The following SEM1 variants were observed in gnomAD, a reference collection of about 807,000 sequenced individuals.
The protein encoded by SEM1 is 26S proteasome complex subunit SEM1.
Under a neutral mutation model 12.7 loss-of-function variants are expected in SEM1, and 3 were observed. The observed-to-expected ratio is 0.24, with a 90% confidence interval of 0.11 to 0.61. The LOEUF (loss-of-function observed/expected upper bound fraction) is 0.61. SEM1 is among the 20% of genes least tolerant of loss of function. SEM1 has a pLI of 0.88. For missense variants in SEM1, 59 were observed against 81.3 expected (o/e 0.73, Z 1.06); for synonymous variants, 30 against 27.8 (o/e 1.08, Z -0.25).
chr7:96,536,730 C>A (rs1178611155), intron 2 of SEM1, among the ~76,000 whole-genome samples: 1 of 151,760 alleles, frequency 6.6e-6, no homozygotes. Flanking sequence ...ATTAATATAA[C>A]TACTTCAGCT....
chr7:96,627,542 G>T (rs1443942107), intron 2 of SEM1, among the ~76,000 whole-genome samples: 1 of 152,038 alleles, frequency 6.6e-6, no homozygotes, highest in Non-Finnish European at 1.5e-5. Context: ...TCATTCAGGA[G>T]CATGTTGTTT....
downstream of SEM1, among the ~76,000 whole-genome samples, chr7:96,671,795 C>T (rs1199918953): frequency 6.6e-6 from 1 of 152,172 alleles, no homozygotes; most frequent in Admixed American, 6.5e-5. Flanking sequence ...CAGAATTACT[C>T]ATGTAAAAAC....
intron 2 of SEM1, among the ~76,000 whole-genome samples, chr7:96,587,362 C>T (rs1806674457): frequency 6.6e-6 from 1 of 152,216 alleles, no homozygotes; most frequent in Non-Finnish European, 1.5e-5. Flanking sequence ...AAAAAGGCTT[C>T]TGTTCTCTTC....
chr7:96,582,820 C>G (rs998377518), intron 2 of SEM1, among the ~76,000 whole-genome samples: 2 of 152,048 alleles, frequency 1.3e-5, no homozygotes, highest in African/African-American at 2.4e-5. Context: ...GTGGTGATAT[C>G]CCCTTTATCA....
chr7:96,700,196 C>T (rs1447774383), intron 1 of SEM1, among the ~76,000 whole-genome samples: 1 of 130,210 alleles, frequency 7.7e-6, no homozygotes, highest in Non-Finnish European at 1.8e-5. Flanking sequence ...TGAATAAATC[C>T]TTTATTACAT....
At chr7:96,676,747 A>C (rs947203290) in intron 2 of SEM1, among the ~76,000 whole-genome samples, 4 of 152,136 alleles carry the variant, frequency 2.6e-5, no homozygotes, top group African/African-American at 9.7e-5. Flanking sequence ...TACATCACAA[A>C]TTTATACAGA....
At chr7:96,544,321 C>T (rs1435280777) in intron 2 of SEM1, among the ~76,000 whole-genome samples, 13 of 152,014 alleles carry the variant, frequency 8.6e-5, no homozygotes, top group Admixed American at 6.6e-4. Context: ...TAGCACTGAG[C>T]ACCTACTATG....
chr7:96,505,846 A>T (rs1316453227), intron 3 of SEM1, among the ~76,000 whole-genome samples: 1 of 152,098 alleles, frequency 6.6e-6, no homozygotes, highest in South Asian at 2.1e-4. Context: ...GGGAATTAGG[A>T]TTTCAACCTG....
intron 2 of SEM1, among the ~76,000 whole-genome samples, chr7:96,584,700 C>T (rs1162913154): frequency 4.0e-5 from 6 of 151,784 alleles, no homozygotes; most frequent in South Asian, 2.1e-4. Context: ...CTTCCCTTCT[C>T]GCTTCATTTC....
At chr7:96,539,179 TC>T (rs1804876327) in intron 2 of SEM1, among the ~76,000 whole-genome samples, 1 of 151,758 alleles carries the variant, frequency 6.6e-6, no homozygotes, top group African/African-American at 2.4e-5. Context: ...AGTGGATCCT[TC>T]CCCAGTTGAA....
At chr7:96,609,665 T>G (rs1490316770) in intron 2 of SEM1, among the ~76,000 whole-genome samples, 1 of 152,218 alleles carries the variant, frequency 6.6e-6, no homozygotes, top group Non-Finnish European at 1.5e-5. Flanking sequence ...TGTAAATATT[T>G]GTACAAAAGT....
chr7:96,483,569 A>T, exon 4 of SEM1: 1 of 408,744 alleles, frequency 2.4e-6, no homozygotes, highest in Non-Finnish European at 4.6e-6. Flanking sequence ...ACTGGGCTCT[A>T]TTTTCACTCT....
At chr7:96,496,241 T>A (rs1803249724) in intron 1 of SEM1, 1 of 1,311,686 alleles carries the variant, frequency 7.6e-7, no homozygotes, top group Non-Finnish European at 1.1e-6. Context: ...AGGATTATAT[T>A]TAATAAAAGC....
chr7:96,705,165 T>C (rs1345200591), intron 1 of SEM1, among the ~76,000 whole-genome samples: 1 of 152,158 alleles, frequency 6.6e-6, no homozygotes, highest in Non-Finnish European at 1.5e-5. Context: ...CACTGTCTTA[T>C]CCAGAAATTT....
At chr7:96,629,794 A>G (rs1448490395) in intron 2 of SEM1, among the ~76,000 whole-genome samples, 1 of 152,118 alleles carries the variant, frequency 6.6e-6, no homozygotes, top group Non-Finnish European at 1.5e-5. Context: ...GGCTTTCCAT[A>G]TATTCAGAAG....
intron 2 of SEM1, among the ~76,000 whole-genome samples, chr7:96,536,112 A>G (rs746923243): frequency 6.6e-6 from 1 of 151,818 alleles, no homozygotes; most frequent in Non-Finnish European, 1.5e-5. Flanking sequence ...CTGCAACCTC[A>G]TCAGCATCTG....
intron 2 of SEM1, among the ~76,000 whole-genome samples, chr7:96,627,137 T>C (rs941419887): frequency 1.4e-4 from 21 of 152,086 alleles, no homozygotes; most frequent in African/African-American, 4.8e-4. Flanking sequence ...CAATTTTATT[T>C]GTTTGGATCT....
At chr7:96,498,790 T>C (rs930195920), upstream of SEM1, among the ~76,000 whole-genome samples, 5 of 152,164 alleles carry the variant, frequency 3.3e-5, no homozygotes, top group East Asian at 9.6e-4. Flanking sequence ...AGATGTTACC[T>C]GACTTGTCCA....
chr7:96,609,170 C>T (rs1807470558), intron 2 of SEM1, among the ~76,000 whole-genome samples: 1 of 152,228 alleles, frequency 6.6e-6, no homozygotes, highest in Middle Eastern at 3.4e-3. Context: ...TTCTGTTGAC[C>T]TTTCCTTAAA....
Sources: allele counts gnomAD v4.1 joint callset (sites outside exome capture counted in the v4.1 genomes callset), GRCh38; gene constraint gnomAD v4.1.1; transcripts MANE v1.5; gene names NCBI Gene and HGNC (gene_info 2026-07-23, HGNC 2026-07-21).